ADGRE2: variants seen among roughly 807,000 people sequenced by gnomAD.
ADGRE2 encodes CD97 antigen.
Under a neutral mutation model 100.8 loss-of-function variants are expected in ADGRE2, and 83 were observed. The ratio of observed to expected loss-of-function variants is 0.82; its 90% CI spans 0.69 to 0.99. ADGRE2 has a LOEUF of 0.99. Among genes scored for constraint, ADGRE2 ranks in the 50% least tolerant of loss-of-function variants. The probability of loss-of-function intolerance (pLI) is 0.00; values close to 1 mark genes in which losing one functional copy is unlikely to be tolerated. For synonymous variants in ADGRE2, 355 were observed against 413.0 expected, an observed-to-expected ratio of 0.86 and a Z score of 1.70; for missense variants, 814 against 1,035.7, an observed-to-expected ratio of 0.79 and a Z score of 2.94.
At chr19:14,773,397 C>A (rs1323634280) in intron 4 of ADGRE2, among the ~76,000 whole-genome samples, 1 of 132,676 alleles carries the variant, frequency 7.5e-6, no homozygotes, top group Non-Finnish European at 1.6e-5. Flanking sequence ...CTCTCCTTCT[C>A]TCTTTCTGTC....
In ADGRE2 at chr19:14,767,064, C is replaced by G; in HGVS notation, c.401G>C (p.Gly134Ala). The G allele has an allele frequency of 6.6e-7, 1 of 1,521,992 alleles. No individual in the cohort carries two copies. The highest frequency in any genetic ancestry group is 1.6e-5 in the African/African-American group (1 of 62,512). The allele number at this position is 1,521,992 out of a possible 1,614,324, so 94.3% of individuals were successfully genotyped here. A position where few individuals can be genotyped will look rare whatever the true frequency, so the allele number is the denominator to read the frequency against. The change falls in exon 6 of 21, where the codon GGC becomes GCC. Residue 134 changes from glycine to alanine, a missense_variant. Physicochemically the swap from Gly to Ala is moderately conservative, Grantham distance 60 (BLOSUM62 0). Around this residue, in one of 5 missense-constraint regions of ADGRE2, gnomAD observed 14 missense variants for 42.6 expected, o/e 0.33. Coordinates refer to ENST00000315576, the MANE Select transcript of ADGRE2 (RefSeq NM_013447.4). ...QQNPRLCKSY[G>A]TCVNTLGSYT... The stretch of plus-strand genomic sequence containing the variant: ...GCTGCCGAGGGTGTTGACGCAGGTG[C>G]CGTAGCTTTTACAGAGCCTTGGGTT...
chr19:14,730,458 CTCTT>C (rs954281617), downstream of ADGRE2, among the ~76,000 whole-genome samples: 20 of 89,304 alleles, frequency 2.2e-4, no homozygotes, highest in African/African-American at 5.9e-4. Context: ...CTCCCTTCCT[CTCTT>C]TCTTTCACTT....
chr19:14,745,730 G>A (rs536249111), intron 18 of ADGRE2, among the ~76,000 whole-genome samples: 4 of 151,778 alleles, frequency 2.6e-5, no homozygotes, highest in Admixed American at 1.3e-4. Context: ...TCAGCCTCCC[G>A]AGTAGCTGGG....
intron 11 of ADGRE2, among the ~76,000 whole-genome samples, chr19:14,761,748 G>A (rs1014334850): frequency 3.2e-4 from 48 of 151,580 alleles, no homozygotes; most frequent in South Asian, 2.1e-4. Context: ...AGGAGCTGGC[G>A]AAGACTCCAT....
chr19:14,749,294 TATATGTAATTATATATGATATATA>T (rs2043187894), intron 16 of ADGRE2, among the ~76,000 whole-genome samples: 1 of 141,026 alleles, frequency 7.1e-6, no homozygotes, highest in Non-Finnish European at 1.5e-5. Context: ...CTTATATAAT[TATATGTAATTATATATGATATATA>T]CATATATAAT....
chr19:14,736,356 G>T, intron 20 of ADGRE2, 112 bp from the exon 21 acceptor site: 2 of 640,408 alleles, frequency 3.1e-6, no homozygotes, highest in Non-Finnish European at 5.4e-6. Flanking sequence ...CCGCCTCCCA[G>T]GTTCAAGCAA....
intron 11 of ADGRE2, among the ~76,000 whole-genome samples, chr19:14,764,003 TCCTCCTCCTCCTCTTCA>T (rs1192503305): frequency 6.9e-6 from 1 of 144,580 alleles, no homozygotes; most frequent in Non-Finnish European, 1.5e-5. Flanking sequence ...TTCCTCTTTA[TCCTCCTCCTCCTCTTCA>T]CCTCCTCCTC....
intron 6 of ADGRE2, among the ~76,000 whole-genome samples, 159 bp downstream of exon 6, chr19:14,766,819 C>T (rs1297949365): frequency 3.3e-5 from 5 of 152,218 alleles, no homozygotes; most frequent in Non-Finnish European, 5.9e-5. Flanking sequence ...TGTGGCGAGT[C>T]CTTCCTGGGA....
At chr19:14,730,458 C>T (rs989069469), downstream of ADGRE2, among the ~76,000 whole-genome samples, 1 of 89,304 alleles carries the variant, frequency 1.1e-5, no homozygotes, top group Non-Finnish European at 2.7e-5. Context: ...CTCCCTTCCT[C>T]TCTTTCTTTC....
intron 11 of ADGRE2, among the ~76,000 whole-genome samples, chr19:14,764,034 C>CTCT (rs757848480): frequency 2.0e-5 from 3 of 150,158 alleles, no homozygotes; most frequent in South Asian, 2.1e-4. Context: ...CCTCCTCCTT[C>CTCT]TCTTCTTCTT....
downstream of ADGRE2, among the ~76,000 whole-genome samples, chr19:14,727,950 C>T (rs12610973): frequency 0.32 from 49,028 of 151,818 alleles, 8,253 homozygotes; most frequent in Middle Eastern, 0.48. Flanking sequence ...TGGCCAGGTG[C>T]GGTGGCTCAC....
At chr19:14,725,570 A>C in the ADGRE2 span, among the ~76,000 whole-genome samples, 3 of 152,226 alleles carry the variant, frequency 2.0e-5, no homozygotes, top group African/African-American at 7.2e-5. Context: ...TTCCAAGAGA[A>C]GATGGTGGTA....
intron 5 of ADGRE2, among the ~76,000 whole-genome samples, chr19:14,769,346 G>T (rs978438464): frequency 6.6e-6 from 1 of 152,168 alleles, no homozygotes; most frequent in African/African-American, 2.4e-5. Context: ...TTTGGATAGC[G>T]ACAGGTGACC....
the ADGRE2 span, among the ~76,000 whole-genome samples, chr19:14,726,478 A>G: frequency 1.3e-5 from 2 of 152,028 alleles, no homozygotes; most frequent in African/African-American, 2.4e-5. Flanking sequence ...TCTTTACCGC[A>G]TGGCCAGGTT....
chr19:14,775,818 C>A (rs1337767178), intron 2 of ADGRE2, among the ~76,000 whole-genome samples: 2 of 149,044 alleles, frequency 1.3e-5, no homozygotes, highest in Non-Finnish European at 3.0e-5. Flanking sequence ...GAGATCGTGC[C>A]ACTGCACTCC....
intron 11 of ADGRE2, among the ~76,000 whole-genome samples, chr19:14,758,724 A>C (rs963404688): frequency 1.3e-5 from 2 of 152,046 alleles, no homozygotes; most frequent in African/African-American, 4.8e-5. Context: ...CTCTACTAAA[A>C]ATACAAAAAA....
At chr19:14,767,141 C>G (rs377630410) in intron 5 of ADGRE2, 32 bp from the exon 6 acceptor site, 2 of 1,603,038 alleles carry the variant, frequency 1.2e-6, no homozygotes, top group Non-Finnish European at 1.7e-6. Context: ...GAAGAATGCC[C>G]GTAGCTGTGA....
chr19:14,773,327 T>TC (rs2044292315), intron 4 of ADGRE2, among the ~76,000 whole-genome samples: 1 of 120,768 alleles, frequency 8.3e-6, no homozygotes. Context: ...CCTCCCTCCC[T>TC]CCTTTCCTTT....
chr19:14,759,087 G>T (rs2043607715), intron 11 of ADGRE2, among the ~76,000 whole-genome samples: 1 of 152,070 alleles, frequency 6.6e-6, no homozygotes, highest in Non-Finnish European at 1.5e-5. Context: ...GGCTGCCCCA[G>T]CCTAATCTTT....
Sources: gnomAD v4.1 joint callset for allele counts (sites outside exome capture counted in the v4.1 genomes callset) on GRCh38, gnomAD v4.1.1 for gene constraint, gnomAD v4.1.1 regional missense constraint, MANE v1.5 for transcripts, NCBI Gene and HGNC (gene_info 2026-07-23, HGNC 2026-07-21) for gene names.